C16orf95: variants seen among roughly 807,000 people sequenced by gnomAD.
C16orf95 encodes the protein uncharacterized protein C16orf95.
C16orf95 carries 41 observed loss-of-function variants against 32.1 expected under a neutral mutation model. That is an observed-to-expected ratio of 1.28 (90% CI 1.00 to 1.66). The LOEUF (loss-of-function observed/expected upper bound fraction) is 1.66. Among genes scored for constraint, C16orf95 ranks in the 40% most tolerant of loss-of-function variants. The pLI is 0.00. For synonymous variants in C16orf95, 147 were observed against 128.9 expected (o/e 1.14, Z -0.95); for missense variants, 399 against 325.9 (o/e 1.22, Z -1.73).
At position 87,305,804 on chromosome 16, in the gene C16orf95, G is replaced by C; in HGVS notation, c.616C>G (p.Gln206Glu). The change falls in exon 6 of 7, where the codon CAG (glutamine) becomes GAG (glutamate). Residue 206 changes from glutamine to glutamate, a missense_variant. Coordinates refer to ENST00000567970, the MANE Select transcript of C16orf95 (RefSeq NM_001195124.3). This position sits in a 1 kb window ranked among gnomAD's most constrained non-coding sequence, Gnocchi z 4.2. ...FQQLQAPYQD[Q>E]LPAPAARLLP... ...AGACGCGCTGCAGGAGCCGGTAGCT[G>C]GTCCTGGTAGGGGGCCTGGAGCTGC... is the stretch of plus-strand genomic sequence containing the variant. The C allele has an allele frequency of 2.0e-6, 3 of 1,514,376 alleles. No homozygotes were observed. Among genetic ancestry groups the C allele is most frequent in the East Asian group, 2.6e-5 (1 of 38,942 alleles). 93.8% of individuals were successfully genotyped at this position (1,514,376 alleles called of 1,614,324 possible). A position where few individuals can be genotyped will look rare whatever the true frequency, so the allele number is the denominator to read the frequency against.
At chr16:87,311,357 G>A in intron 3 of C16orf95, 61 bp from the exon 4 acceptor site, 1 of 1,441,682 alleles carries the variant, frequency 6.9e-7, no homozygotes, top group Non-Finnish European at 9.3e-7. Context: ...TGTCCCCAAT[G>A]ACTCCCTGAT....
chr16:87,311,049 A>C, intron 4 of C16orf95, 101 bp downstream of exon 4: 1 of 1,165,522 alleles, frequency 8.6e-7, no homozygotes. Flanking sequence ...TTGTGGGAGC[A>C]GAGCCCAGGT....
intron 3 of C16orf95, among the ~76,000 whole-genome samples, chr16:87,312,196 G>A (rs11641672): frequency 0.29 from 43,938 of 152,092 alleles, 7,783 homozygotes; most frequent in Non-Finnish European, 0.41. Context: ...CGAGGCACAT[G>A]GTTCGGGCAA....
chr16:87,305,756 G>C lies in C16orf95; in HGVS notation c.664C>G (p.Leu222Val), dbSNP rs2150646740. The C allele has an allele frequency of 3.3e-6, 5 of 1,518,014 alleles. No homozygotes were observed. The highest frequency in any genetic ancestry group is 2.6e-5 in the East Asian group (1 of 38,064). 94.0% of individuals were successfully genotyped at this position (1,518,014 alleles called of 1,614,324 possible). The change falls in exon 6 of 7, where the codon CTC becomes GTC. Residue 222 changes from leucine to valine, a missense_variant. Transcript: ENST00000567970. This position sits in a 1 kb window ranked among gnomAD's most constrained non-coding sequence, Gnocchi z 4.2. ...ARLLPLGLLT[L>V]LQAIPRVIMA... is the part of the protein sequence containing the mutation. ...ATGACCCTCGGGATGGCCTGGAGGA[G>C]GGTCAGGAGGCCGAGGGGCAGCAGA...
chr16:87,315,236 A>G (rs1290441867), intron 2 of C16orf95, 140 bp from the exon 3 acceptor site: 5 of 892,834 alleles, frequency 5.6e-6, no homozygotes, highest in African/African-American at 1.7e-5. Flanking sequence ...CAGCTTGGAA[A>G]GAGGCAGGCT....
chr16:87,306,393 G>A (rs976363937), intron 5 of C16orf95, among the ~76,000 whole-genome samples: 6 of 152,010 alleles, frequency 3.9e-5, no homozygotes, highest in Admixed American at 2.0e-4. Flanking sequence ...GATGCTCTTC[G>A]GCACTTTCTA....
intron 4 of C16orf95, among the ~76,000 whole-genome samples, chr16:87,310,695 G>A (rs1021972960): frequency 6.6e-6 from 1 of 152,124 alleles, no homozygotes; most frequent in Non-Finnish European, 1.5e-5. Flanking sequence ...CTGGTGGTCC[G>A]TCCCGGGCAC....
chr16:87,315,828 A>G lies in C16orf95; in HGVS notation c.153-5T>C, dbSNP rs756024344. 6.5e-7 allele frequency: 1 copy of G among 1,528,542 alleles called. No individual in the cohort carries two copies. Among genetic ancestry groups the G allele is most frequent in the South Asian group, 1.2e-5 (1 of 82,638 alleles). The allele number at this position is 1,528,542 out of a possible 1,614,324, so 94.7% of individuals were successfully genotyped here. A position where few individuals can be genotyped will look rare whatever the true frequency, so the allele number is the denominator to read the frequency against. On this transcript the variant is annotated splice_polypyrimidine_tract_variant and splice_region_variant and intron_variant, in intron 1 of 6. Transcript: ENST00000567970. ...TAGGTTTGAAATGTGCTATTCCTAGAAGAGAAGAACAGAAAAGCTTAGGGT... is the reference window on the plus strand; with the variant it reads ...TAGGTTTGAAATGTGCTATTCCTAGGAGAGAAGAACAGAAAAGCTTAGGGT...
chr16:87,312,831 G>A (rs140112389), intron 3 of C16orf95, among the ~76,000 whole-genome samples: 2 of 152,102 alleles, frequency 1.3e-5, no homozygotes, highest in African/African-American at 4.8e-5. Context: ...AATAGGTTTA[G>A]CAATATTGTA....
At chr16:87,313,394 T>G (rs1911370771) in intron 3 of C16orf95, among the ~76,000 whole-genome samples, 1 of 152,144 alleles carries the variant, frequency 6.6e-6, no homozygotes, top group Non-Finnish European at 1.5e-5. Context: ...TCAGTCCACT[T>G]GTATGGCCAT....
chr16:87,314,800 C>T (rs576244221), intron 3 of C16orf95, among the ~76,000 whole-genome samples, 171 bp downstream of exon 3: 4 of 152,236 alleles, frequency 2.6e-5, no homozygotes, highest in African/African-American at 4.8e-5. Flanking sequence ...CTTGCTACAA[C>T]GACAGCACAT....
At position 87,311,284 on chromosome 16, in the gene C16orf95, C is replaced by A. The variant is rs1221875795; in HGVS notation, c.343G>T (p.Val115Phe). ...LRPRKQSQKTVQFPIPQTAKM... is the reference protein window; with the variant it reads ...LRPRKQSQKTFQFPIPQTAKM... Reference sequence around the variant, plus strand: ...GCGGTTTGGGGGATAGGAAATTGAACCGTCTTTTGACTCTAACAGAGAGGA... The same window carrying A: ...GCGGTTTGGGGGATAGGAAATTGAAACGTCTTTTGACTCTAACAGAGAGGA... Residue 115 changes from valine to phenylalanine, a missense_variant, in exon 4 of 7, where the codon GTT (valine) becomes TTT (phenylalanine). Val to Phe is a conservative substitution (Grantham distance 50). Coordinates refer to ENST00000567970, the MANE Select transcript of C16orf95 (RefSeq NM_001195124.3). The A allele has an allele frequency of 1.3e-6, 2 of 1,534,100 alleles. No individual in the cohort carries two copies. The highest frequency in any genetic ancestry group is 1.7e-6 in the Non-Finnish European group (2 of 1,145,548).
Position 87,307,899 on chromosome 16 carries a change from T to C in C16orf95, c.515-1994A>G, listed in dbSNP as rs79996412. On this transcript the variant is annotated intron_variant, in intron 5 of 6. Transcript: ENST00000567970. ...GAAAGAGCTGAGGGTCCTGGGAATT[T>C]AACCACATCAATGCAGTCTTTTTTT... 9.7e-3 allele frequency among the ~76,000 whole-genome samples: 1,472 copies of C among 152,358 alleles called. 31 individuals carry two copies. The highest frequency in any genetic ancestry group is 0.034 in the African/African-American group (1,423 of 41,570).
chr16:87,316,461 G>C (rs979254396), intron 1 of C16orf95, among the ~76,000 whole-genome samples: 5 of 152,186 alleles, frequency 3.3e-5, no homozygotes, highest in Admixed American at 2.6e-4. Context: ...GAAACCGTAA[G>C]AGCGATATAA....
chr16:87,317,070 C>T (rs1296149923), intron 1 of C16orf95, 21 bp downstream of exon 1: 18 of 1,484,502 alleles, frequency 1.2e-5, no homozygotes, highest in Non-Finnish European at 1.4e-5. Flanking sequence ...TAGCCGCGGG[C>T]AGGATTCAGG....
At chr16:87,307,497 G>A (rs1439409290) in intron 5 of C16orf95, among the ~76,000 whole-genome samples, 1 of 152,188 alleles carries the variant, frequency 6.6e-6, no homozygotes, top group Non-Finnish European at 1.5e-5. Context: ...GGTGGCTCAC[G>A]CCTGTCATCC....
intron 5 of C16orf95, among the ~76,000 whole-genome samples, chr16:87,309,572 C>A (rs1257487832): frequency 1.3e-5 from 2 of 151,752 alleles, no homozygotes; most frequent in Non-Finnish European, 2.9e-5. Flanking sequence ...TTAGTAGAGA[C>A]AAGGTTTCAC....
chr16:87,317,359 C>CTGG lies in C16orf95; in HGVS notation c.-118_-117insCCA. On this transcript the variant is annotated 5_prime_UTR_variant, in exon 1 of 7. Transcript: ENST00000567970. Reference sequence around the variant, plus strand: ...GAACCCAACCCGAGCTCAACCCCAGCCCCAACCTCAACCGCTCAGAGGAGC... The same window carrying CTGG: ...GAACCCAACCCGAGCTCAACCCCAGCTGGCCCAACCTCAACCGCTCAGAGGAGC... 7.1e-7 allele frequency: 1 copy of CTGG among 1,417,744 alleles called. No homozygotes were observed. Among genetic ancestry groups the CTGG allele is most frequent in the Non-Finnish European group, 9.2e-7 (1 of 1,088,068 alleles). 87.8% of individuals were successfully genotyped at this position (1,417,744 alleles called of 1,614,324 possible).
At chr16:87,309,163 T>A (rs1911159824) in intron 5 of C16orf95, among the ~76,000 whole-genome samples, 1 of 152,118 alleles carries the variant, frequency 6.6e-6, no homozygotes, top group South Asian at 2.1e-4. Context: ...GTGATGTTTG[T>A]TTTGGGTTCA....
Sources: allele counts gnomAD v4.1 joint callset (sites outside exome capture counted in the v4.1 genomes callset), GRCh38; gene constraint gnomAD v4.1.1; non-coding constraint Gnocchi (gnomAD v3.1); transcripts MANE v1.5; gene names NCBI Gene and HGNC (gene_info 2026-07-23, HGNC 2026-07-21).